RPS6KC1: variants seen among roughly 807,000 people sequenced by gnomAD.
RPS6KC1 encodes the protein ribosomal protein S6 kinase C1, also known as inactive ribosomal protein S6 kinase delta-1.
A neutral mutation model predicts 103.8 loss-of-function variants in RPS6KC1; 54 were observed. That is an observed-to-expected ratio of 0.52 (90% confidence interval 0.42 to 0.65). RPS6KC1 has a LOEUF of 0.65. RPS6KC1 is among the 30% of genes least tolerant of loss of function. RPS6KC1 has a pLI of 0.00. For missense variants in RPS6KC1, 1,151 were observed against 1,253.8 expected (o/e 0.92, Z 1.24); for synonymous variants, 439 against 438.7 (o/e 1.00, Z -0.01).
chr1:213,597,529 C>T, the RPS6KC1 span, among the ~76,000 whole-genome samples: 1 of 152,120 alleles, frequency 6.6e-6, no homozygotes, highest in Non-Finnish European at 1.5e-5. Flanking sequence ...GTGGATTTGA[C>T]AAGAGAGGAA....
chr1:213,317,742 C>A, the RPS6KC1 span, among the ~76,000 whole-genome samples: 1 of 152,230 alleles, frequency 6.6e-6, no homozygotes, highest in African/African-American at 2.4e-5. Flanking sequence ...AGAAACCCAG[C>A]AGTCACTGTT....
chr1:213,221,432 G>A (rs2093829667), intron 8 of RPS6KC1, among the ~76,000 whole-genome samples: 1 of 152,062 alleles, frequency 6.6e-6, no homozygotes, highest in African/African-American at 2.4e-5. Flanking sequence ...TTATCTTGGG[G>A]CTTTGATGCA....
In RPS6KC1 at chr1:213,161,583, A is replaced by G. The variant is rs138985019; in HGVS notation, c.836-6275A>G. Among the ~76,000 whole-genome samples the G allele has an allele frequency of 8.5e-5, 13 of 152,300 alleles. No homozygotes were observed. In the East Asian group the frequency reaches 2.5e-3, roughly 29 times the overall value. ...TGATCCACCTGCTTTGGCCTCCCAA[A>G]GTGCTGGGATTACAGGTGTGACCCA... is the stretch of plus-strand genomic sequence containing the variant. On this transcript the variant is annotated intron_variant, in intron 6 of 14. Transcript: ENST00000366960.
At chr1:213,429,393 A>T in the RPS6KC1 span, among the ~76,000 whole-genome samples, 7 of 152,156 alleles carry the variant, frequency 4.6e-5, no homozygotes, top group African/African-American at 1.7e-4. Context: ...GACTCAAGTG[A>T]TCCACCTGCC....
chr1:213,533,219 A>G, the RPS6KC1 span, among the ~76,000 whole-genome samples: 2 of 152,266 alleles, frequency 1.3e-5, no homozygotes. Flanking sequence ...GGCAGTGGGA[A>G]TGGAAAGAAA....
chr1:213,379,800 A>T, the RPS6KC1 span, among the ~76,000 whole-genome samples: 2 of 152,100 alleles, frequency 1.3e-5, no homozygotes, highest in East Asian at 3.9e-4. Context: ...CAGTTACAAT[A>T]TCTATTGTTA....
the RPS6KC1 span, among the ~76,000 whole-genome samples, chr1:213,700,340 G>C: frequency 6.6e-6 from 1 of 151,952 alleles, no homozygotes; most frequent in South Asian, 2.1e-4. Context: ...TGACACCTTT[G>C]TTGAAAATGA....
At chr1:213,825,654 C>A in the RPS6KC1 span, among the ~76,000 whole-genome samples, 1 of 151,112 alleles carries the variant, frequency 6.6e-6, no homozygotes, top group Non-Finnish European at 1.5e-5. Flanking sequence ...AGTTGGTGAA[C>A]CCCTTGCCAA....
At chr1:213,516,427 T>C in the RPS6KC1 span, among the ~76,000 whole-genome samples, 1 of 152,226 alleles carries the variant, frequency 6.6e-6, no homozygotes, top group South Asian at 2.1e-4. Flanking sequence ...TTATTGAGAA[T>C]TTTTAGCATG....
At chr1:213,255,026 C>A (rs948822580) in intron 12 of RPS6KC1, among the ~76,000 whole-genome samples, 1 of 151,626 alleles carries the variant, frequency 6.6e-6, no homozygotes, top group Non-Finnish European at 1.5e-5. Context: ...CTAGGCCAGG[C>A]GTGGTGGCTC....
chr1:213,530,533 TAG>T, the RPS6KC1 span, among the ~76,000 whole-genome samples: 2 of 24,456 alleles, frequency 8.2e-5, no homozygotes, highest in Non-Finnish European at 4.0e-4. Flanking sequence ...CCAAATAGAG[TAG>T]TTCTCATGGC....
chr1:213,842,619 C>T, the RPS6KC1 span, among the ~76,000 whole-genome samples: 5 of 152,206 alleles, frequency 3.3e-5, no homozygotes, highest in African/African-American at 1.2e-4. Flanking sequence ...AATAGCCCCA[C>T]AACACTTCCA....
chr1:213,554,104 G>A, the RPS6KC1 span, among the ~76,000 whole-genome samples: 48 of 152,160 alleles, frequency 3.2e-4, no homozygotes, highest in African/African-American at 1.1e-3. Flanking sequence ...TTATCAGGGC[G>A]GATGTCCAGA....
chr1:213,860,740 G>A, the RPS6KC1 span, among the ~76,000 whole-genome samples: 8 of 152,094 alleles, frequency 5.3e-5, no homozygotes, highest in African/African-American at 9.7e-5. Context: ...AGCAGAAGAC[G>A]CAGCCAGAGC....
At chr1:213,693,635 A>G in the RPS6KC1 span, among the ~76,000 whole-genome samples, 4 of 152,188 alleles carry the variant, frequency 2.6e-5, no homozygotes, top group Non-Finnish European at 4.4e-5. Flanking sequence ...GGGACCCATT[A>G]GTGTCTGGCA....
intron 1 of RPS6KC1, among the ~76,000 whole-genome samples, chr1:213,058,370 A>G (rs1172440693): frequency 5.3e-5 from 8 of 150,598 alleles, no homozygotes; most frequent in African/African-American, 1.5e-4. Context: ...ATTTTTCCCA[A>G]TGTTTTCTTC....
the RPS6KC1 span, among the ~76,000 whole-genome samples, chr1:213,532,232 G>A: frequency 6.6e-6 from 1 of 152,172 alleles, no homozygotes; most frequent in Non-Finnish European, 1.5e-5. Context: ...GTGGGGAGCG[G>A]CCAAGGCAGC....
the RPS6KC1 span, among the ~76,000 whole-genome samples, chr1:213,598,207 A>T: frequency 3.9e-5 from 6 of 152,178 alleles, no homozygotes; most frequent in Non-Finnish European, 7.4e-5. Flanking sequence ...TATTTTCTAG[A>T]AGTGGTAAGA....
At chr1:213,695,410 G>A in the RPS6KC1 span, among the ~76,000 whole-genome samples, 8 of 152,158 alleles carry the variant, frequency 5.3e-5, no homozygotes, top group African/African-American at 9.7e-5. Flanking sequence ...GTGGTGGAGA[G>A]GTGGAGGGCA....
Sources: allele counts gnomAD v4.1 joint callset (sites outside exome capture counted in the v4.1 genomes callset), GRCh38; gene constraint gnomAD v4.1.1; transcripts MANE v1.5; gene names NCBI Gene and HGNC (gene_info 2026-07-23, HGNC 2026-07-21).